Variants in RAPGEF2 observed in about 807,000 individuals in gnomAD.
The protein encoded by RAPGEF2 is Rap guanine nucleotide exchange factor 2.
Under a neutral mutation model 186.7 loss-of-function variants are expected in RAPGEF2, and 54 were observed. That is an observed-to-expected ratio of 0.29 (90% CI 0.23 to 0.36). RAPGEF2 has a LOEUF of 0.36. Ranked by LOEUF, RAPGEF2 falls within the 10% of genes least tolerant of loss-of-function variation. The pLI is 1.00. For missense variants in RAPGEF2, 1,532 were observed against 2,045.0 expected (o/e 0.75, Z 4.84); for synonymous variants, 712 against 705.9 (o/e 1.01, Z -0.14).
chr4:159,353,798 A>T lies in RAPGEF2; in HGVS notation c.4403A>T (p.Tyr1468Phe), dbSNP rs763071066. ...ATGTTTTCTGATCATAGCACAAAGT[A>T]TAACAGGCAAAATCAAAGTAGAGAG... ...QIMFSDHSTK[Y>F]NRQNQSRESL... is the part of the protein sequence containing the mutation. Residue 1468 changes from tyrosine (Y) to phenylalanine (F), a missense_variant, in exon 28 of 30, where the codon TAT (tyrosine) becomes TTT (phenylalanine). By Grantham distance (22) the Tyr-to-Phe change is conservative (BLOSUM62 3). Transcript: ENST00000691494. This position sits in a 1 kb window ranked among gnomAD's most constrained non-coding sequence, Gnocchi z 4.3. 2 of 1,614,274 alleles carry T rather than the reference A, an allele frequency of 1.2e-6. No homozygotes were observed. Among genetic ancestry groups the T allele is most frequent in the Admixed American group, 3.3e-5 (2 of 60,030 alleles).
At chr4:159,191,415 G>A (rs1290879338) in intron 2 of RAPGEF2, among the ~76,000 whole-genome samples, 1 of 151,842 alleles carries the variant, frequency 6.6e-6, no homozygotes, top group African/African-American at 2.4e-5. Context: ...TGGAGGAGTG[G>A]GGAAAGGGGT....
chr4:159,104,783 A>C (rs1737694361), intron 1 of RAPGEF2, among the ~76,000 whole-genome samples: 1 of 152,158 alleles, frequency 6.6e-6, no homozygotes, highest in Admixed American at 6.5e-5. Context: ...GCTAAAGACA[A>C]ATCCATGCTG....
chr4:159,145,511 C>T (rs542468066), intron 1 of RAPGEF2, among the ~76,000 whole-genome samples: 90 of 152,070 alleles, frequency 5.9e-4, no homozygotes, highest in African/African-American at 2.1e-3. Context: ...TTGCCAAAAA[C>T]ATTACCAAAA....
At chr4:159,331,888 TC>T (rs1766730826) in intron 15 of RAPGEF2, 37 bp from the exon 16 acceptor site, 1 of 1,589,878 alleles carries the variant, frequency 6.3e-7, no homozygotes, top group Admixed American at 1.8e-5. Context: ...GTTTTTTTTT[TC>T]AGTCAATTTT....
intron 1 of RAPGEF2, among the ~76,000 whole-genome samples, chr4:159,167,358 T>TA (rs780800250): frequency 8.6e-5 from 13 of 152,028 alleles, no homozygotes; most frequent in East Asian, 3.9e-4. Context: ...TGGTGGTTTG[T>TA]AAAAAAAAGT....
chr4:159,104,945 C>T (rs1737715291), intron 1 of RAPGEF2, among the ~76,000 whole-genome samples: 2 of 152,198 alleles, frequency 1.3e-5, no homozygotes, highest in Admixed American at 6.5e-5. Context: ...CAGGCATGTT[C>T]CAGTACACCC....
At chr4:159,348,688 G>A (rs1285460210) in intron 25 of RAPGEF2, among the ~76,000 whole-genome samples, 2 of 152,238 alleles carry the variant, frequency 1.3e-5, no homozygotes, top group East Asian at 3.9e-4. Flanking sequence ...AGCTAAAAAT[G>A]CCTATTAGCC....
At chr4:159,261,556 TTGAGA>T (rs1756883187) in intron 7 of RAPGEF2, among the ~76,000 whole-genome samples, 1 of 152,196 alleles carries the variant, frequency 6.6e-6, no homozygotes, top group African/African-American at 2.4e-5. Flanking sequence ...ATAACTGTGT[TTGAGA>T]TGTTTACAAA....
chr4:159,306,636 C>T (rs546063441), intron 8 of RAPGEF2, among the ~76,000 whole-genome samples: 1 of 152,136 alleles, frequency 6.6e-6, no homozygotes, highest in African/African-American at 2.4e-5. Context: ...CATTCTCTTG[C>T]CTAATTGCTC....
chr4:159,147,372 CT>C lies in RAPGEF2; in HGVS notation c.70-39259del, dbSNP rs796242376. Reference sequence around the variant, plus strand: ...AACATGCAGTTTTGCACAAAAATACCTTTTTTTTTTTGGTTTATTAAACTGG... The same window carrying C: ...AACATGCAGTTTTGCACAAAAATACCTTTTTTTTTTGGTTTATTAAACTGG... On this transcript the variant is annotated intron_variant, in intron 1 of 29. Coordinates refer to ENST00000691494, the MANE Select transcript of RAPGEF2 (RefSeq NM_001394067.2). 8.0e-4 allele frequency among the ~76,000 whole-genome samples: 116 copies of C among 145,446 alleles called. 2 individuals carry two copies. The highest frequency in any genetic ancestry group is 5.9e-3 in the South Asian group (27 of 4,598).
In RAPGEF2 at chr4:159,197,429, A is replaced by G. The variant is rs189921794; in HGVS notation, c.197+4173A>G. ...CCATTGCAAAAGTTTAAGTGTCCAC[A>G]CACACACACGCCCACACTATAAATA... On this transcript the variant is annotated intron_variant, in intron 3 of 29. Transcript: ENST00000691494. Among the ~76,000 whole-genome samples, 18 of 152,158 alleles carry G rather than the reference A, an allele frequency of 1.2e-4. No homozygotes were observed. The East Asian group carries it at 3.5e-3, about 29-fold the overall frequency.
At chr4:159,288,713 T>C (rs1182893718) in intron 7 of RAPGEF2, among the ~76,000 whole-genome samples, 1 of 152,160 alleles carries the variant, frequency 6.6e-6, no homozygotes, top group Non-Finnish European at 1.5e-5. Flanking sequence ...TTCCAGTGCA[T>C]GAACTCCTCA....
chr4:159,351,633 A>AT (rs1316992350), intron 26 of RAPGEF2, among the ~76,000 whole-genome samples: 2 of 152,230 alleles, frequency 1.3e-5, no homozygotes, highest in South Asian at 2.1e-4. Flanking sequence ...GAAGATTTGG[A>AT]TTTTTTTCAT....
chr4:159,342,526 C>CTTTTA (rs200624687), intron 20 of RAPGEF2, among the ~76,000 whole-genome samples: 5,586 of 107,466 alleles, frequency 0.052, 555 homozygotes, highest in African/African-American at 0.071. Context: ...ACTATCATAG[C>CTTTTA]TTTTATTTTA....
At chr4:159,133,363 T>G (rs1167173316) in intron 1 of RAPGEF2, among the ~76,000 whole-genome samples, 1 of 152,154 alleles carries the variant, frequency 6.6e-6, no homozygotes, top group Non-Finnish European at 1.5e-5. Context: ...ATTTTTAAAA[T>G]ATAAACTTGT....
intron 7 of RAPGEF2, chr4:159,267,441 G>A (rs1757555127): frequency 1.3e-6 from 1 of 771,308 alleles, no homozygotes; most frequent in African/African-American, 1.8e-5. Context: ...GAGTGTGAGG[G>A]ACAGACATCA....
chr4:159,245,374 A>G (rs1205674385), intron 7 of RAPGEF2, among the ~76,000 whole-genome samples: 3 of 152,024 alleles, frequency 2.0e-5, no homozygotes, highest in African/African-American at 7.2e-5. Flanking sequence ...GCCGTATTTC[A>G]AATTGCTAAA....
rs147039309 is a variant in RAPGEF2 at position 159,269,691 on chromosome 4, G to A, written c.543+25900G>A. Among the ~76,000 whole-genome samples, 1,259 of 152,166 alleles carry A rather than the reference G, an allele frequency of 8.3e-3. 15 individuals are homozygous for A. Among genetic ancestry groups the A allele is most frequent in the African/African-American group, 0.028 (1,176 of 41,522 alleles). On this transcript the variant is annotated intron_variant, in intron 7 of 29. Transcript: ENST00000691494. ...TGTTTGTGTGTGGGGGTGTTTAAAT[G>A]AATAATAATATAAATTTAATGAACA...
At chr4:159,336,035 T>G (rs976787236) in intron 17 of RAPGEF2, among the ~76,000 whole-genome samples, 1 of 152,100 alleles carries the variant, frequency 6.6e-6, no homozygotes, top group Admixed American at 6.6e-5. Flanking sequence ...ACGTAAAAGT[T>G]TTCATCTTTT....
Sources: allele counts gnomAD v4.1 joint callset (sites outside exome capture counted in the v4.1 genomes callset), GRCh38; gene constraint gnomAD v4.1.1; non-coding constraint Gnocchi (gnomAD v3.1); transcripts MANE v1.5; gene names NCBI Gene and HGNC (gene_info 2026-07-23, HGNC 2026-07-21).